The following MARK1 variants were observed in gnomAD, a reference collection of about 807,000 sequenced individuals.
The protein encoded by MARK1 is microtubule affinity regulating kinase 1, also known as serine/threonine-protein kinase MARK1.
A neutral mutation model predicts 96.3 loss-of-function variants in MARK1; 40 were observed. The ratio of observed to expected loss-of-function variants is 0.42; its 90% CI spans 0.32 to 0.54. MARK1 has a LOEUF of 0.54. MARK1 is among the 20% of genes least tolerant of loss of function. The pLI, the probability that MARK1 is intolerant of heterozygous loss-of-function variation, is 0.16. For synonymous variants in MARK1, 317 were observed against 341.2 expected (o/e 0.93, Z 0.78); for missense variants, 719 against 984.6 (o/e 0.73, Z 3.61).
intron 1 of MARK1, among the ~76,000 whole-genome samples, chr1:220,551,946 A>T (rs1661893686): frequency 6.6e-6 from 1 of 152,196 alleles, no homozygotes; most frequent in African/African-American, 2.4e-5. Context: ...GGGCCATCAG[A>T]AGTCTTGCCT....
chr1:220,602,040 AG>A (rs1665784787), intron 5 of MARK1, among the ~76,000 whole-genome samples: 1 of 152,214 alleles, frequency 6.6e-6, no homozygotes, highest in African/African-American at 2.4e-5. Context: ...ATAAATGGCA[AG>A]GTGACTCTGG....
chr1:220,586,783 G>C (rs145474856), intron 3 of MARK1, among the ~76,000 whole-genome samples: 12 of 152,296 alleles, frequency 7.9e-5, no homozygotes, highest in Non-Finnish European at 1.5e-4. Flanking sequence ...CTATCTGGCT[G>C]TTTTAAAAGT....
At chr1:220,564,508 A>G (rs1174901498) in intron 1 of MARK1, among the ~76,000 whole-genome samples, 3 of 152,128 alleles carry the variant, frequency 2.0e-5, no homozygotes, top group African/African-American at 4.8e-5. Context: ...ATGTATATGC[A>G]AATTGTTTTC....
At chr1:220,641,946 A>G (rs550266725) in intron 13 of MARK1, among the ~76,000 whole-genome samples, 17 of 152,266 alleles carry the variant, frequency 1.1e-4, no homozygotes, top group African/African-American at 3.8e-4. Context: ...AGCCTACACC[A>G]CCAGAGCCCT....
chr1:220,642,506 G>A (rs532775800), intron 13 of MARK1, among the ~76,000 whole-genome samples: 6 of 152,124 alleles, frequency 3.9e-5, no homozygotes, highest in African/African-American at 1.4e-4. Flanking sequence ...AGAGCACCTG[G>A]GGGGAGGGGC....
chr1:220,641,637 G>A (rs1668273436), intron 13 of MARK1, among the ~76,000 whole-genome samples: 1 of 152,096 alleles, frequency 6.6e-6, no homozygotes, highest in African/African-American at 2.4e-5. Context: ...AGATGGCTGA[G>A]TAGAAACAAT....
chr1:220,541,855 T>G (rs747329685), intron 1 of MARK1, among the ~76,000 whole-genome samples: 4 of 152,236 alleles, frequency 2.6e-5, no homozygotes, highest in Non-Finnish European at 5.9e-5. Flanking sequence ...TGTCTTTTGA[T>G]TACAGTGTTT....
In MARK1 at chr1:220,661,829, C is replaced by T. The variant is rs1669498218; in HGVS notation, c.2051C>T (p.Pro684Leu). The T allele has an allele frequency of 6.2e-7, 1 of 1,607,478 alleles. No homozygotes were observed. Among genetic ancestry groups the T allele is most frequent in the East Asian group, 2.2e-5 (1 of 44,790 alleles). The change falls in exon 18 of 18, where the codon CCA (proline) becomes CTA (leucine). Residue 684 changes from proline to leucine, a missense_variant. By Grantham distance (98) the Pro-to-Leu change is moderately conservative. Coordinates refer to ENST00000366917, the MANE Select transcript of MARK1 (RefSeq NM_018650.5). ...TDTSRSTSGE[P>L]KERDKEEGKD... ...TGTTCCAGAAGTACATCAGGGGAAC[C>T]AAAAGAAAGAGACAAGGAAGAGGGT...
At chr1:220,606,400 G>C (rs568339422) in intron 6 of MARK1, among the ~76,000 whole-genome samples, 1 of 152,222 alleles carries the variant, frequency 6.6e-6, no homozygotes, top group African/African-American at 2.4e-5. Context: ...ATTTCTGTGA[G>C]TTCTTTGTAG....
intron 1 of MARK1, among the ~76,000 whole-genome samples, chr1:220,572,334 C>G (rs535640635): frequency 2.4e-4 from 37 of 152,254 alleles, no homozygotes; most frequent in African/African-American, 8.7e-4. Flanking sequence ...CTCTGCTTCC[C>G]GGGTTCAAGC....
chr1:220,634,421 A>G (rs1445635342), intron 11 of MARK1, among the ~76,000 whole-genome samples: 1 of 152,152 alleles, frequency 6.6e-6, no homozygotes, highest in Non-Finnish European at 1.5e-5. Context: ...ACAACCACTA[A>G]CTATGCAACT....
At chr1:220,609,040 G>C (rs1218499218) in intron 6 of MARK1, among the ~76,000 whole-genome samples, 4 of 152,170 alleles carry the variant, frequency 2.6e-5, no homozygotes, top group African/African-American at 9.7e-5. Context: ...CTGTTGATTT[G>C]GGGTGGAGAG....
chr1:220,614,733 C>T (rs549994151), intron 6 of MARK1, among the ~76,000 whole-genome samples: 57 of 152,198 alleles, frequency 3.7e-4, no homozygotes, highest in African/African-American at 1.3e-3. Context: ...ATAGCAGGTA[C>T]TCAATAAACT....
At chr1:220,595,078 G>A (rs1665243772) in intron 3 of MARK1, among the ~76,000 whole-genome samples, 1 of 152,120 alleles carries the variant, frequency 6.6e-6, no homozygotes, top group South Asian at 2.1e-4. Flanking sequence ...GTTGATGGTG[G>A]GGGAGGCTCT....
intron 11 of MARK1, among the ~76,000 whole-genome samples, chr1:220,632,983 G>A (rs1667749008): frequency 6.6e-6 from 1 of 152,156 alleles, no homozygotes; most frequent in Non-Finnish European, 1.5e-5. Flanking sequence ...TCTGCTTCTG[G>A]TAAGGGCCTC....
intron 6 of MARK1, among the ~76,000 whole-genome samples, chr1:220,610,137 A>G (rs1666353392): frequency 6.6e-6 from 1 of 152,218 alleles, no homozygotes; most frequent in African/African-American, 2.4e-5. Context: ...AATATCCTAA[A>G]GAGTGTTTTC....
chr1:220,599,199 T>C (rs1026178504), intron 4 of MARK1, among the ~76,000 whole-genome samples: 4 of 152,188 alleles, frequency 2.6e-5, no homozygotes, highest in African/African-American at 9.7e-5. Context: ...TGATTAGATA[T>C]ATTATTATAT....
Position 220,542,087 on chromosome 1 carries a change from C to T in MARK1, c.51+13214C>T, listed in dbSNP as rs536359804. Among the ~76,000 whole-genome samples, 14 of 152,244 alleles carry T rather than the reference C, an allele frequency of 9.2e-5. No individual in the cohort carries two copies. The East Asian group carries it at 2.5e-3, about 27-fold the overall frequency. ...CCCCTAAAAATCAGAGCATTGGATC[C>T]GTGCTCCACTCTTTTTCCCCATCTG... On this transcript the variant is annotated intron_variant, in intron 1 of 17. Coordinates refer to ENST00000366917, the MANE Select transcript of MARK1 (RefSeq NM_018650.5).
At chr1:220,608,234 C>G (rs928612081) in intron 6 of MARK1, among the ~76,000 whole-genome samples, 3 of 152,130 alleles carry the variant, frequency 2.0e-5, no homozygotes, top group African/African-American at 4.8e-5. Flanking sequence ...ATTTCAGAGC[C>G]TGTTATTGGT....
Sources: gnomAD v4.1 joint callset for allele counts (sites outside exome capture counted in the v4.1 genomes callset) on GRCh38, gnomAD v4.1.1 for gene constraint, MANE v1.5 for transcripts, NCBI Gene and HGNC (gene_info 2026-07-23, HGNC 2026-07-21) for gene names.